CDC42BPB: variants seen among roughly 807,000 people sequenced by gnomAD.
CDC42BPB encodes the protein serine/threonine-protein kinase MRCK beta.
In CDC42BPB, 37 loss-of-function variants were observed where a neutral mutation model predicts 214.9. The observed-to-expected ratio is 0.17, with a 90% confidence interval of 0.13 to 0.23. The LOEUF (loss-of-function observed/expected upper bound fraction) is 0.23, where lower values mean the gene tolerates loss of function less well. Among genes scored for constraint, CDC42BPB ranks in the 10% least tolerant of loss-of-function variants. CDC42BPB has a pLI of 1.00. For missense variants in CDC42BPB, 1,694 were observed against 2,227.0 expected (o/e 0.76, Z 4.82); for synonymous variants, 931 against 884.0 (o/e 1.05, Z -0.94).
chr14:102,940,068 G>C lies in CDC42BPB; in HGVS notation c.4569C>G (p.Ile1523Met). ...CACCCGAGAACTTGCTCTTGAAGTA[G>C]ATCAAGCGTGGAGGCTCGCAGTTGA... ...NLLNCEPPRL[I>M]YFKSKFSGAV... is the part of the protein sequence containing the mutation. Residue 1523 changes from isoleucine (I) to methionine (M), a missense_variant, in exon 32 of 37, where the codon ATC (isoleucine) becomes ATG (methionine). Coordinates refer to ENST00000361246, the MANE Select transcript of CDC42BPB (RefSeq NM_006035.4). 6.2e-7 allele frequency: 1 copy of C among 1,614,022 alleles called. No individual in the cohort carries two copies. Among genetic ancestry groups the C allele is most frequent in the Non-Finnish European group, 8.5e-7 (1 of 1,180,040 alleles).
intron 1 of CDC42BPB, among the ~76,000 whole-genome samples, chr14:103,014,511 A>C (rs889594344): frequency 2.6e-5 from 4 of 152,306 alleles, no homozygotes; most frequent in Non-Finnish European, 5.9e-5. Flanking sequence ...TTACCACTGC[A>C]GGAGTGGCTA....
At chr14:102,954,374 G>T (rs1173522174) in intron 22 of CDC42BPB, 99 bp from the exon 23 acceptor site, 12 of 1,446,054 alleles carry the variant, frequency 8.3e-6, no homozygotes, top group Middle Eastern at 2.4e-4. Flanking sequence ...TGTTAACAGT[G>T]AACAGTTCTG....
intron 31 of CDC42BPB, 32 bp from the exon 32 acceptor site, chr14:102,940,162 G>T (rs375369354): frequency 1.2e-6 from 2 of 1,613,850 alleles, no homozygotes; most frequent in African/African-American, 1.3e-5. Context: ...GACAGTAAGC[G>T]CGGCCACGCA....
At chr14:102,970,047 A>G in intron 14 of CDC42BPB, 104 bp downstream of exon 14, 1 of 896,950 alleles carries the variant, frequency 1.1e-6, no homozygotes, top group Non-Finnish European at 1.7e-6. Flanking sequence ...CTCGGGTGAC[A>G]CTCGGCCCGG....
At chr14:103,000,184 A>G (rs1370417387) in intron 4 of CDC42BPB, among the ~76,000 whole-genome samples, 1 of 152,256 alleles carries the variant, frequency 6.6e-6, no homozygotes, top group Non-Finnish European at 1.5e-5. Context: ...AAAAGAGCCG[A>G]AAGATAATTA....
At chr14:102,960,379 G>A (rs763246372) in intron 20 of CDC42BPB, among the ~76,000 whole-genome samples, 1 of 152,068 alleles carries the variant, frequency 6.6e-6, no homozygotes, top group East Asian at 1.9e-4. Context: ...CACTTTGGGA[G>A]GCCAAGGTCG....
chr14:103,006,343 C>T (rs1885818047), intron 3 of CDC42BPB, among the ~76,000 whole-genome samples: 1 of 152,258 alleles, frequency 6.6e-6, no homozygotes, highest in African/African-American at 2.4e-5. Flanking sequence ...TCTGCGGCAC[C>T]TGTGCCAACG....
chr14:103,049,288 T>C (rs892835268), intron 1 of CDC42BPB, among the ~76,000 whole-genome samples: 18 of 152,210 alleles, frequency 1.2e-4, no homozygotes, highest in Non-Finnish European at 2.5e-4. Context: ...ACCCCCGGCC[T>C]GCTTGGCTGA....
At chr14:103,053,598 A>G (rs1012761795) in intron 1 of CDC42BPB, among the ~76,000 whole-genome samples, 1 of 149,840 alleles carries the variant, frequency 6.7e-6, no homozygotes, top group Non-Finnish European at 1.5e-5. Flanking sequence ...CGTCTCTACT[A>G]AAAATACAAA....
intron 1 of CDC42BPB, among the ~76,000 whole-genome samples, chr14:103,023,713 G>A (rs1566910304): frequency 6.6e-6 from 1 of 151,992 alleles, no homozygotes; most frequent in South Asian, 2.1e-4. Context: ...TTTTGACAAA[G>A]AAAATATATT....
chr14:102,954,527 G>A (rs1892630715), intron 22 of CDC42BPB, 75 bp downstream of exon 22: 1 of 1,456,762 alleles, frequency 6.9e-7, no homozygotes, highest in African/African-American at 1.4e-5. Flanking sequence ...GCAGGGGCCA[G>A]GTGAGCAGCA....
At chr14:103,055,435 GA>G (rs1424690497) in intron 1 of CDC42BPB, among the ~76,000 whole-genome samples, 1 of 152,198 alleles carries the variant, frequency 6.6e-6, no homozygotes, top group Non-Finnish European at 1.5e-5. Context: ...AGAAAAGAAA[GA>G]AAAGGTAAAC....
At chr14:102,935,716 G>A (rs1891620809) in intron 36 of CDC42BPB, among the ~76,000 whole-genome samples, 1 of 147,112 alleles carries the variant, frequency 6.8e-6, no homozygotes, top group Non-Finnish European at 1.5e-5. Context: ...CTTGATCCCA[G>A]GAAACAAAGG....
intron 1 of CDC42BPB, among the ~76,000 whole-genome samples, chr14:103,055,161 G>T (rs968090920): frequency 2.6e-5 from 4 of 152,238 alleles, no homozygotes; most frequent in Non-Finnish European, 5.9e-5. Context: ...AGTGGCTCAC[G>T]CCTGTAATCC....
At position 102,980,818 on chromosome 14, in the gene CDC42BPB, A is replaced by G; in HGVS notation, c.1095T>C (p.Ser365=). ...CATCCACGTCGAAGTTGGATGTGTC[A>G]GAGGGACTGCTCACATCAGGAATAT... ...APYIPDVSSP[S]DTSNFDVDDD... is the part of the protein sequence containing the mutation. Residue 365 remains serine (S), a synonymous_variant, in exon 8 of 37, where the codon TCT becomes TCC. Coordinates refer to ENST00000361246, the MANE Select transcript of CDC42BPB (RefSeq NM_006035.4). 6.2e-7 allele frequency: 1 copy of G among 1,614,208 alleles called. No individual in the cohort carries two copies. Among genetic ancestry groups the G allele is most frequent in the Non-Finnish European group, 8.5e-7 (1 of 1,180,018 alleles).
intron 26 of CDC42BPB, among the ~76,000 whole-genome samples, 190 bp downstream of exon 26, chr14:102,949,575 T>G (rs376853584): frequency 6.6e-6 from 1 of 152,194 alleles, no homozygotes; most frequent in South Asian, 2.1e-4. Context: ...CAGGCCCGTA[T>G]GCATGTCTGT....
At position 102,933,571 on chromosome 14, in the gene CDC42BPB, A is replaced by T. The variant is rs1595438532; in HGVS notation, c.*141T>A. 3.0e-6 allele frequency: 2 copies of T among 663,474 alleles called. No individual in the cohort carries two copies. Among genetic ancestry groups the T allele is most frequent in the East Asian group, 6.9e-5 (2 of 29,136 alleles). 41.1% of individuals were successfully genotyped at this position (663,474 alleles called of 1,614,324 possible). On this transcript the variant is annotated 3_prime_UTR_variant, in exon 37 of 37. Coordinates refer to ENST00000361246, the MANE Select transcript of CDC42BPB (RefSeq NM_006035.4). ...GCGGCATAAAACTGATCAATATTATAATAAAGATTTGTCTTCTTCATCTCC... is the reference window on the plus strand; with the variant it reads ...GCGGCATAAAACTGATCAATATTATTATAAAGATTTGTCTTCTTCATCTCC...
Position 102,984,514 on chromosome 14 carries a change from G to A in CDC42BPB, c.691-758C>T, listed in dbSNP as rs141809482. The stretch of plus-strand genomic sequence containing the variant: ...GGAGGCTAAGACCGCTCCTACCCCC[G>A]CAAGGGAGAAAACAGCTCCCCTGCT... On this transcript the variant is annotated intron_variant, in intron 6 of 36. Coordinates refer to ENST00000361246, the MANE Select transcript of CDC42BPB (RefSeq NM_006035.4). 1.5e-3 allele frequency among the ~76,000 whole-genome samples: 231 copies of A among 152,206 alleles called. 1 individual carries two copies. Among genetic ancestry groups the A allele is most frequent in the Middle Eastern group, 6.8e-3 (2 of 294 alleles).
chr14:103,049,999 A>C (rs1438227285), intron 1 of CDC42BPB, among the ~76,000 whole-genome samples: 1 of 152,226 alleles, frequency 6.6e-6, no homozygotes, highest in Non-Finnish European at 1.5e-5. Flanking sequence ...GCATGAGCCA[A>C]CACACCCGGC....
Sources: gnomAD v4.1 joint callset for allele counts (sites outside exome capture counted in the v4.1 genomes callset) on GRCh38, gnomAD v4.1.1 for gene constraint, MANE v1.5 for transcripts, NCBI Gene and HGNC (gene_info 2026-07-23, HGNC 2026-07-21) for gene names.